The following FHL2 variants were observed in gnomAD, a reference collection of about 807,000 sequenced individuals.
FHL2 encodes four and a half LIM domains 2.
A neutral mutation model predicts 32.7 loss-of-function variants in FHL2; 20 were observed. The observed-to-expected ratio is 0.61, with a 90% CI of 0.43 to 0.89. FHL2 has a LOEUF of 0.89. Ranked by LOEUF, FHL2 falls within the 40% of genes least tolerant of loss-of-function variation. FHL2 has a pLI of 0.00. For synonymous variants in FHL2, 123 were observed against 128.1 expected (o/e 0.96, Z 0.27); for missense variants, 311 against 358.6 (o/e 0.87, Z 1.07).
chr2:105,402,691 T>C (rs1271782716), upstream of FHL2, among the ~76,000 whole-genome samples: 3 of 152,222 alleles, frequency 2.0e-5, no homozygotes, highest in South Asian at 6.2e-4. Flanking sequence ...TTTAATGACA[T>C]ATGCTTTCAT....
intron 3 of FHL2, chr2:105,376,805 G>T (rs1047090652): frequency 6.6e-6 from 1 of 152,246 alleles, no homozygotes; most frequent in African/African-American, 2.4e-5. Context: ...AATGTGGTCT[G>T]TGCATACAAT....
chr2:105,386,756 CTTTTTT>C (rs11380471), intron 2 of FHL2, among the ~76,000 whole-genome samples: 7 of 48,962 alleles, frequency 1.4e-4, no homozygotes, highest in African/African-American at 5.6e-4. Context: ...ATGCATTCCA[CTTTTTT>C]TTTTTTTTTT....
At chr2:105,379,215 C>T (rs1681704504) in intron 3 of FHL2, among the ~76,000 whole-genome samples, 1 of 152,206 alleles carries the variant, frequency 6.6e-6, no homozygotes, top group African/African-American at 2.4e-5. Context: ...GAATAATGGA[C>T]CCACTACTGG....
intron 1 of FHL2, among the ~76,000 whole-genome samples, chr2:105,405,040 G>A (rs2104647447): frequency 6.6e-6 from 1 of 152,256 alleles, no homozygotes; most frequent in Non-Finnish European, 1.5e-5. Context: ...CCAATAGAAT[G>A]AAACTATTCA....
At chr2:105,401,191 A>G (rs1456288076), upstream of FHL2, among the ~76,000 whole-genome samples, 3 of 151,992 alleles carry the variant, frequency 2.0e-5, no homozygotes, top group Admixed American at 6.6e-5. Flanking sequence ...TTAATGAACA[A>G]TTTATGTTAG....
rs1283422439 is a variant in FHL2 at position 105,363,401 on chromosome 2, C to A, written c.572G>T (p.Cys191Phe). 1.2e-6 allele frequency: 2 copies of A among 1,613,536 alleles called. No individual in the cohort carries two copies. The highest frequency in any genetic ancestry group is 8.5e-7 in the Non-Finnish European group (1 of 1,179,846). Residue 191 changes from cysteine to phenylalanine, a missense_variant, in exon 6 of 7, where the codon TGC (cysteine) becomes TTC (phenylalanine). Physicochemically the swap from Cys to Phe is radical, Grantham distance 205. Transcript: ENST00000530340. ...WHKECFVCTA[C>F]RKQLSGQRFT... The stretch of plus-strand genomic sequence containing the variant: ...GCGCTGCCCAGACAGCTGCTTCCTG[C>A]AGGCGGTGCACACGAAGCACTCCTT...
At chr2:105,374,021 AT>A in intron 3 of FHL2, 1 of 435,174 alleles carries the variant, frequency 2.3e-6, no homozygotes, top group Non-Finnish European at 4.2e-6. Flanking sequence ...TCCCTTATGT[AT>A]TGCCTGCAAG....
chr2:105,414,196 C>T (rs144111748), intron 1 of FHL2, among the ~76,000 whole-genome samples: 2 of 152,310 alleles, frequency 1.3e-5, no homozygotes, highest in African/African-American at 4.8e-5. Flanking sequence ...GGGAAAGACA[C>T]GTGGAGCTTC....
intron 1 of FHL2, among the ~76,000 whole-genome samples, chr2:105,432,239 G>T (rs933615833): frequency 1.3e-5 from 2 of 152,208 alleles, no homozygotes; most frequent in African/African-American, 4.8e-5. Flanking sequence ...CCTGCTCATA[G>T]ATTTTTGCAT....
chr2:105,367,415 T>A (rs973678554), intron 5 of FHL2, among the ~76,000 whole-genome samples, 155 bp downstream of exon 5: 3 of 152,264 alleles, frequency 2.0e-5, no homozygotes, highest in Non-Finnish European at 2.9e-5. Context: ...CCAGACCCGA[T>A]GGATAAATGC....
At chr2:105,437,261 T>A (rs1330740765) in intron 1 of FHL2, among the ~76,000 whole-genome samples, 1 of 152,158 alleles carries the variant, frequency 6.6e-6, no homozygotes, top group Admixed American at 6.5e-5. Flanking sequence ...TACAAAAACT[T>A]GTGTAAGGGG....
chr2:105,431,869 A>C (rs950963886), intron 1 of FHL2, among the ~76,000 whole-genome samples: 1 of 152,238 alleles, frequency 6.6e-6, no homozygotes, highest in African/African-American at 2.4e-5. Context: ...GAAGCACAGC[A>C]GACAAAAGTA....
At chr2:105,429,373 AT>A (rs1208084977) in intron 1 of FHL2, among the ~76,000 whole-genome samples, 1 of 152,200 alleles carries the variant, frequency 6.6e-6, no homozygotes, top group East Asian at 1.9e-4. Flanking sequence ...GGATCATGAG[AT>A]AGGGGGATTA....
chr2:105,417,668 A>G (rs1476099679), intron 1 of FHL2, among the ~76,000 whole-genome samples: 1 of 139,906 alleles, frequency 7.1e-6, no homozygotes, highest in African/African-American at 2.7e-5. Flanking sequence ...TGGGCAATAC[A>G]GCGAGACTCC....
chr2:105,426,735 G>T (rs532850768), intron 1 of FHL2, among the ~76,000 whole-genome samples: 1 of 152,358 alleles, frequency 6.6e-6, no homozygotes, highest in African/African-American at 2.4e-5. Flanking sequence ...GGAGGTGCAT[G>T]AGAACACACG....
intron 1 of FHL2, among the ~76,000 whole-genome samples, chr2:105,425,174 C>T (rs201197195): frequency 2.0e-5 from 3 of 152,030 alleles, no homozygotes; most frequent in East Asian, 3.9e-4. Context: ...GCCACTTTGC[C>T]TCAGCCACTT....
intron 2 of FHL2, among the ~76,000 whole-genome samples, chr2:105,390,874 G>T (rs1682675629): frequency 6.6e-6 from 1 of 150,644 alleles, no homozygotes; most frequent in African/African-American, 2.5e-5. Context: ...TCAGCTCACT[G>T]CAGCCTCCAC....
intron 3 of FHL2, chr2:105,376,503 A>G (rs1342997891): frequency 2.0e-5 from 3 of 152,244 alleles, no homozygotes; most frequent in Non-Finnish European, 2.9e-5. Context: ...CCAAAACAGT[A>G]ATCTGCCTAA....
In FHL2 at chr2:105,421,290, T is replaced by C. The variant is rs567981105; in HGVS notation, c.-25+17109A>G. On this transcript the variant is annotated intron_variant, in intron 1 of 5. Coordinates refer to the FHL2 transcript ENST00000393352. ...TTGGTGTCAGTGATCTGGGGCTTTG[T>C]GGCAATGTTCTGCCCTGCTTGAGGT... is the stretch of plus-strand genomic sequence containing the variant. Among the ~76,000 whole-genome samples, 12 of 152,336 alleles carry C rather than the reference T, an allele frequency of 7.9e-5. No individual in the cohort carries two copies. The South Asian group carries it at 2.5e-3, about 32-fold the overall frequency.
Sources: allele counts gnomAD v4.1 joint callset (sites outside exome capture counted in the v4.1 genomes callset), GRCh38; gene constraint gnomAD v4.1.1; transcripts MANE v1.5; gene names NCBI Gene and HGNC (gene_info 2026-07-23, HGNC 2026-07-21).